The following KCNB2 variants were observed in gnomAD, a reference collection of about 807,000 sequenced individuals.
KCNB2 encodes the protein potassium voltage-gated channel subfamily B member 2.
Under a neutral mutation model 61.5 loss-of-function variants are expected in KCNB2, and 15 were observed. The observed-to-expected ratio is 0.24, with a 90% CI of 0.16 to 0.38. The LOEUF (loss-of-function observed/expected upper bound fraction) is 0.38, where lower values mean the gene tolerates loss of function less well. Among genes scored for constraint, KCNB2 ranks in the 10% least tolerant of loss-of-function variants. The pLI, the probability that KCNB2 is intolerant of heterozygous loss-of-function variation, is 1.00. For missense variants in KCNB2, 828 were observed against 1,125.2 expected (o/e 0.74, Z 3.78); for synonymous variants, 457 against 446.0 (o/e 1.02, Z -0.31).
At chr8:72,616,126 G>A (rs772561054) in intron 2 of KCNB2, among the ~76,000 whole-genome samples, 1 of 152,102 alleles carries the variant, frequency 6.6e-6, no homozygotes, top group South Asian at 2.1e-4. Flanking sequence ...ACCTTTTCTC[G>A]CTTAGGTTTT....
chr8:72,770,352 G>C (rs1808538502), intron 2 of KCNB2, among the ~76,000 whole-genome samples: 1 of 152,204 alleles, frequency 6.6e-6, no homozygotes. Flanking sequence ...GGTTTTGTGT[G>C]TGTGCTTAAT....
intron 2 of KCNB2, among the ~76,000 whole-genome samples, chr8:72,848,377 G>A (rs77698913): frequency 6.6e-6 from 1 of 152,092 alleles, no homozygotes; most frequent in East Asian, 1.9e-4. Flanking sequence ...CTCTGGTGAA[G>A]GAACAGTTTC....
intron 2 of KCNB2, among the ~76,000 whole-genome samples, chr8:72,680,416 A>G (rs1417642859): frequency 3.3e-5 from 5 of 152,220 alleles, no homozygotes; most frequent in Non-Finnish European, 7.3e-5. Context: ...CAATTCATTA[A>G]GTAAAAGCAA....
chr8:72,560,970 A>G (rs2128978129), intron 1 of KCNB2, among the ~76,000 whole-genome samples: 1 of 152,270 alleles, frequency 6.6e-6, no homozygotes, highest in Admixed American at 6.5e-5. Context: ...TAAACAAAAT[A>G]GTTTATTTAT....
At chr8:72,869,751 A>G (rs1805587241) in intron 2 of KCNB2, among the ~76,000 whole-genome samples, 1 of 152,226 alleles carries the variant, frequency 6.6e-6, no homozygotes, top group African/African-American at 2.4e-5. Flanking sequence ...TGAAATGTAA[A>G]TGAGTATAGC....
At chr8:72,562,755 A>G (rs183382275) in intron 1 of KCNB2, among the ~76,000 whole-genome samples, 15 of 152,334 alleles carry the variant, frequency 9.8e-5, no homozygotes, top group African/African-American at 3.4e-4. Context: ...ACAGAATTGA[A>G]CTACATGATT....
intron 2 of KCNB2, among the ~76,000 whole-genome samples, chr8:72,632,885 A>G (rs1344553123): frequency 6.6e-6 from 1 of 152,176 alleles, no homozygotes; most frequent in Non-Finnish European, 1.5e-5. Context: ...TCTTGAAATA[A>G]TTTAGTTCCA....
chr8:72,590,302 A>G (rs1807074287), intron 2 of KCNB2, among the ~76,000 whole-genome samples: 1 of 152,152 alleles, frequency 6.6e-6, no homozygotes, highest in Non-Finnish European at 1.5e-5. Flanking sequence ...TCCAAAAACA[A>G]AATAAGAATG....
intron 2 of KCNB2, among the ~76,000 whole-genome samples, chr8:72,804,244 C>G (rs1809179546): frequency 6.6e-6 from 1 of 151,920 alleles, no homozygotes; most frequent in African/African-American, 2.4e-5. Context: ...TTCAGTAGTC[C>G]AAGGCAACGG....
intron 2 of KCNB2, among the ~76,000 whole-genome samples, chr8:72,658,289 GA>G (rs1249964731): frequency 6.6e-6 from 1 of 152,138 alleles, no homozygotes; most frequent in African/African-American, 2.4e-5. Context: ...TTAATATGTA[GA>G]AAGTTTTAGT....
intron 2 of KCNB2, among the ~76,000 whole-genome samples, chr8:72,689,489 A>AC (rs1002877054): frequency 1.3e-5 from 2 of 152,190 alleles, no homozygotes; most frequent in African/African-American, 4.8e-5. Flanking sequence ...AAGGACTACC[A>AC]TGTCCTAATT....
chr8:72,807,821 T>C (rs1016402971), intron 2 of KCNB2, among the ~76,000 whole-genome samples: 8 of 152,202 alleles, frequency 5.3e-5, no homozygotes, highest in Admixed American at 4.6e-4. Context: ...GAAATGTAGA[T>C]AAAAACGAGC....
intron 2 of KCNB2, among the ~76,000 whole-genome samples, chr8:72,586,999 C>T (rs753132652): frequency 9.2e-5 from 14 of 152,080 alleles, no homozygotes; most frequent in Non-Finnish European, 1.0e-4. Context: ...TATTAAAATA[C>T]GGCCTATTGA....
At chr8:72,734,165 C>T (rs995738239) in intron 2 of KCNB2, among the ~76,000 whole-genome samples, 5 of 152,096 alleles carry the variant, frequency 3.3e-5, no homozygotes, top group South Asian at 2.1e-4. Context: ...TTCAGTGTAA[C>T]GGTATTTTAT....
chr8:72,869,608 A>T (rs111911470), intron 2 of KCNB2, among the ~76,000 whole-genome samples: 2 of 152,210 alleles, frequency 1.3e-5, no homozygotes, highest in Non-Finnish European at 2.9e-5. Flanking sequence ...GATGCTCAAC[A>T]TCACTAATCA....
intron 2 of KCNB2, chr8:72,751,619 C>G (rs1808189183): frequency 6.6e-6 from 1 of 152,096 alleles, no homozygotes; most frequent in Non-Finnish European, 1.5e-5. Context: ...TCTTGGTTCC[C>G]CTAAAAATAT....
intron 2 of KCNB2, among the ~76,000 whole-genome samples, chr8:72,935,582 C>G (rs925058100): frequency 6.6e-6 from 1 of 152,152 alleles, no homozygotes. Flanking sequence ...TTTAACAAAA[C>G]ACAAACCAGG....
At chr8:72,650,334 C>T (rs1806193750) in intron 2 of KCNB2, among the ~76,000 whole-genome samples, 4 of 152,138 alleles carry the variant, frequency 2.6e-5, no homozygotes, top group Admixed American at 2.0e-4. Flanking sequence ...ACCTCACCTC[C>T]TATCTCCCAC....
chr8:72,566,476 G>T (rs567384435), intron 1 of KCNB2, among the ~76,000 whole-genome samples: 3 of 152,146 alleles, frequency 2.0e-5, no homozygotes, highest in African/African-American at 2.4e-5. Context: ...AAGGCCAGCG[G>T]ATTGCTTAAG....
Sources: allele counts gnomAD v4.1 joint callset (sites outside exome capture counted in the v4.1 genomes callset), GRCh38; gene constraint gnomAD v4.1.1; transcripts MANE v1.5; gene names NCBI Gene and HGNC (gene_info 2026-07-23, HGNC 2026-07-21).